HDAC4: variants seen among roughly 807,000 people sequenced by gnomAD.
HDAC4 encodes histone deacetylase 4, also known as histone deacetylase A.
A neutral mutation model predicts 135.1 loss-of-function variants in HDAC4; 16 were observed. That is an observed-to-expected ratio of 0.12 (90% confidence interval 0.08 to 0.18). HDAC4 has a LOEUF of 0.18. Among genes scored for constraint, HDAC4 ranks in the 10% least tolerant of loss-of-function variants. The pLI is 1.00. For synonymous variants in HDAC4, 685 were observed against 653.4 expected (o/e 1.05, Z -0.74); for missense variants, 1,143 against 1,511.8 (o/e 0.76, Z 4.05).
intron 2 of HDAC4, among the ~76,000 whole-genome samples, chr2:239,310,078 A>G (rs2052797753): frequency 6.6e-6 from 1 of 152,256 alleles, no homozygotes; most frequent in East Asian, 1.9e-4. Context: ...CTCTGTGCGT[A>G]GAGGTGCTCA....
Position 239,144,563 on chromosome 2 carries a change from T to A in HDAC4, c.865+20A>T. On this transcript the variant is annotated intron_variant, in intron 8 of 26. Coordinates refer to ENST00000543185, the MANE Select transcript of HDAC4 (RefSeq NM_001378414.1). ...GGCAGAGAGGGCAGCGGGGCGGGTG[T>A]ACCTGCTCAGCCGACATACCTGTGA... The A allele has an allele frequency of 6.2e-7, 1 of 1,612,802 alleles. No homozygotes were observed. Among genetic ancestry groups the A allele is most frequent in the South Asian group, 1.1e-5 (1 of 91,024 alleles).
intron 2 of HDAC4, among the ~76,000 whole-genome samples, chr2:239,277,977 G>GCCAGCCACACACC (rs1388140451): frequency 8.4e-5 from 5 of 59,202 alleles, no homozygotes; most frequent in Non-Finnish European, 1.6e-4. Context: ...TCCTGAGCAG[G>GCCAGCCACACACC]CCAGCCACAC....
At chr2:239,283,994 G>C (rs1370533531) in intron 2 of HDAC4, among the ~76,000 whole-genome samples, 2 of 152,326 alleles carry the variant, frequency 1.3e-5, no homozygotes, top group African/African-American at 4.8e-5. Context: ...AAGGCGCCAA[G>C]GGCGTCGGCG....
chr2:239,118,721 G>C (rs1316444722), intron 12 of HDAC4, among the ~76,000 whole-genome samples: 1 of 152,094 alleles, frequency 6.6e-6, no homozygotes, highest in Non-Finnish European at 1.5e-5. Flanking sequence ...AAATACATGC[G>C]ACTGTTTCCG....
intron 2 of HDAC4, among the ~76,000 whole-genome samples, chr2:239,312,840 C>T (rs1408286610): frequency 6.6e-6 from 1 of 152,234 alleles, no homozygotes; most frequent in Non-Finnish European, 1.5e-5. Flanking sequence ...GGGGAGCCTG[C>T]TGACTGTGGG....
At chr2:239,102,164 G>A (rs779888014) in intron 16 of HDAC4, among the ~76,000 whole-genome samples, 2 of 152,206 alleles carry the variant, frequency 1.3e-5, no homozygotes, top group Middle Eastern at 3.4e-3. Flanking sequence ...GGAAGCCCCC[G>A]GCCCCACGTC....
At position 239,307,916 on chromosome 2, in the gene HDAC4, G is replaced by A. The variant is rs2052683535; in HGVS notation, c.22+44762C>T. Among the ~76,000 whole-genome samples, 2 of 152,070 alleles carry A rather than the reference G, an allele frequency of 1.3e-5. No individual in the cohort carries two copies. The highest frequency in any genetic ancestry group is 2.1e-4 in the South Asian group (1 of 4,828). The stretch of plus-strand genomic sequence containing the variant: ...GTTTTGCCACTATCTCAGAATTCCT[G>A]ATCTCCACCTGAAAACGGAACACAA... On this transcript the variant is annotated intron_variant, in intron 2 of 26. Coordinates refer to ENST00000543185, the MANE Select transcript of HDAC4 (RefSeq NM_001378414.1). The surrounding 1 kb of genome is among the most constrained non-coding windows in gnomAD (Gnocchi z 4.8).
chr2:239,323,101 CAT>C (rs2053367588), intron 2 of HDAC4, among the ~76,000 whole-genome samples: 1 of 152,212 alleles, frequency 6.6e-6, no homozygotes, highest in Non-Finnish European at 1.5e-5. Context: ...CATAAAGACA[CAT>C]GTGCAACAAT....
chr2:239,097,916 C>G (rs1281050568), intron 16 of HDAC4, among the ~76,000 whole-genome samples: 1 of 152,232 alleles, frequency 6.6e-6, no homozygotes, highest in Non-Finnish European at 1.5e-5. Flanking sequence ...ACTGACTACT[C>G]CAACGCACGG....
intron 11 of HDAC4, among the ~76,000 whole-genome samples, chr2:239,131,200 G>A (rs533744283): frequency 4.6e-5 from 7 of 152,332 alleles, no homozygotes; most frequent in East Asian, 3.9e-4. Context: ...GGTATGTGGC[G>A]TGTAGGAGGC....
intron 3 of HDAC4, among the ~76,000 whole-genome samples, chr2:239,202,421 G>C (rs2045810691): frequency 6.6e-6 from 1 of 152,234 alleles, no homozygotes; most frequent in African/African-American, 2.4e-5. Context: ...AGTGGACGGG[G>C]CGTAGACTTG....
At chr2:239,357,105 C>T (rs1191235482) in intron 1 of HDAC4, among the ~76,000 whole-genome samples, 2 of 152,116 alleles carry the variant, frequency 1.3e-5, no homozygotes, top group Admixed American at 1.3e-4. Flanking sequence ...ACACACAGAA[C>T]ATTTACCAAG....
chr2:239,071,122 G>A (rs750357555), intron 22 of HDAC4, among the ~76,000 whole-genome samples: 5 of 152,112 alleles, frequency 3.3e-5, no homozygotes, highest in South Asian at 2.1e-4. Context: ...TCTTGGTGGC[G>A]GCGGAGGGAG....
intron 2 of HDAC4, among the ~76,000 whole-genome samples, chr2:239,276,910 C>T (rs2050401295): frequency 6.6e-6 from 1 of 152,038 alleles, no homozygotes; most frequent in African/African-American, 2.4e-5. Flanking sequence ...CCACAAAATC[C>T]CCCAACCCTG....
rs562583714 is a variant in HDAC4 at position 239,160,325 on chromosome 2, T to C, written c.611+3478A>G. On this transcript the variant is annotated intron_variant, in intron 6 of 26. Coordinates refer to ENST00000543185, the MANE Select transcript of HDAC4 (RefSeq NM_001378414.1). ...AATTCCATGCTCTGCATCTATGGCATGTCCTGGTCGGACCCAGCCACGTTT... is the reference window on the plus strand; with the variant it reads ...AATTCCATGCTCTGCATCTATGGCACGTCCTGGTCGGACCCAGCCACGTTT... 1.2e-4 allele frequency among the ~76,000 whole-genome samples: 19 copies of C among 152,334 alleles called. No homozygotes were observed. In the East Asian group the frequency reaches 2.3e-3, roughly 19 times the overall value.
At chr2:239,188,190 G>A (rs976895626) in intron 4 of HDAC4, among the ~76,000 whole-genome samples, 1 of 152,218 alleles carries the variant, frequency 6.6e-6, no homozygotes, top group African/African-American at 2.4e-5. Context: ...ACCCATGAGA[G>A]GGGACATGGA....
intron 2 of HDAC4, among the ~76,000 whole-genome samples, chr2:239,289,217 A>G (rs894561607): frequency 2.6e-5 from 4 of 152,256 alleles, no homozygotes; most frequent in African/African-American, 7.2e-5. Context: ...CACAAAAACC[A>G]AAGGCTTAAG....
intron 2 of HDAC4, among the ~76,000 whole-genome samples, chr2:239,289,089 T>C (rs573606676): frequency 1.3e-5 from 2 of 152,186 alleles, no homozygotes; most frequent in South Asian, 4.1e-4. Flanking sequence ...CCAAAACAGA[T>C]TGAACTTGGA....
chr2:239,171,252 A>G (rs879518168), intron 5 of HDAC4, among the ~76,000 whole-genome samples: 12 of 152,220 alleles, frequency 7.9e-5, no homozygotes, highest in Non-Finnish European at 1.5e-4. Context: ...GTCAGACTCC[A>G]AAATAACTGC....
Sources: allele counts gnomAD v4.1 joint callset (sites outside exome capture counted in the v4.1 genomes callset), GRCh38; gene constraint gnomAD v4.1.1; non-coding constraint Gnocchi (gnomAD v3.1); transcripts MANE v1.5; gene names NCBI Gene and HGNC (gene_info 2026-07-23, HGNC 2026-07-21).